The following PRICKLE1 variants were observed in gnomAD, a reference collection of about 807,000 sequenced individuals.
PRICKLE1 encodes prickle-like protein 1.
PRICKLE1 carries 14 observed loss-of-function variants against 70.2 expected under a neutral mutation model. That is an observed-to-expected ratio of 0.20 (90% CI 0.13 to 0.31). The LOEUF (loss-of-function observed/expected upper bound fraction) is 0.31. Among genes scored for constraint, PRICKLE1 ranks in the 10% least tolerant of loss-of-function variants. The pLI is 1.00. For missense variants in PRICKLE1, 821 were observed against 1,026.2 expected, an observed-to-expected ratio of 0.80 and a Z score of 2.73; for synonymous variants, 357 against 379.9, an observed-to-expected ratio of 0.94 and a Z score of 0.70.
intron 1 of PRICKLE1, among the ~76,000 whole-genome samples, chr12:42,486,572 T>C (rs1243176658): frequency 1.3e-5 from 2 of 152,214 alleles, no homozygotes. Flanking sequence ...GCATTTTGTT[T>C]GTCAAATGTC....
At chr12:42,528,303 G>C (rs1939850801) in intron 1 of PRICKLE1, among the ~76,000 whole-genome samples, 1 of 151,912 alleles carries the variant, frequency 6.6e-6, no homozygotes, top group Non-Finnish European at 1.5e-5. Flanking sequence ...CGAACTCCTG[G>C]GCTCAAGTGA....
chr12:42,466,830 AT>A (rs1938113084), intron 5 of PRICKLE1, among the ~76,000 whole-genome samples: 1 of 152,256 alleles, frequency 6.6e-6, no homozygotes. Flanking sequence ...AGTGAACAGC[AT>A]TTGTGTTGAT....
chr12:42,569,791 T>C (rs1940677959), intron 1 of PRICKLE1, among the ~76,000 whole-genome samples: 1 of 152,230 alleles, frequency 6.6e-6, no homozygotes, highest in East Asian at 1.9e-4. Context: ...TGGCAACATA[T>C]CACTTCACCA....
At chr12:42,569,243 T>C (rs1196200673) in intron 1 of PRICKLE1, among the ~76,000 whole-genome samples, 2 of 152,196 alleles carry the variant, frequency 1.3e-5, no homozygotes, top group Non-Finnish European at 2.9e-5. Flanking sequence ...AATTTAGCAA[T>C]GGACCTTTAA....
intron 1 of PRICKLE1, among the ~76,000 whole-genome samples, chr12:42,522,768 A>G (rs962943624): frequency 1.3e-5 from 2 of 152,172 alleles, no homozygotes; most frequent in African/African-American, 2.4e-5. Context: ...AATCTTTTTT[A>G]AAGCGGAAAA....
intron 1 of PRICKLE1, among the ~76,000 whole-genome samples, chr12:42,493,866 A>AG (rs1939148512): frequency 6.6e-6 from 1 of 151,968 alleles, no homozygotes; most frequent in Admixed American, 6.6e-5. Flanking sequence ...TAAAAAAAAA[A>AG]AAAAGAAAAG....
intron 1 of PRICKLE1, among the ~76,000 whole-genome samples, chr12:42,530,741 C>G (rs1300481670): frequency 8.2e-6 from 1 of 122,460 alleles, no homozygotes; most frequent in Non-Finnish European, 1.6e-5. Context: ...GGCTAGAGTG[C>G]AATGGCATGA....
chr12:42,500,410 C>T (rs372510868), intron 1 of PRICKLE1, among the ~76,000 whole-genome samples: 5 of 152,328 alleles, frequency 3.3e-5, no homozygotes, highest in East Asian at 3.9e-4. Context: ...GTACTAAGCA[C>T]TTAGTCAAAG....
At chr12:42,507,330 G>A (rs545708213) in intron 1 of PRICKLE1, among the ~76,000 whole-genome samples, 2 of 152,294 alleles carry the variant, frequency 1.3e-5, no homozygotes, top group East Asian at 3.9e-4. Flanking sequence ...AAGTTGTGTA[G>A]ACAAAGCAGA....
intron 1 of PRICKLE1, among the ~76,000 whole-genome samples, chr12:42,565,720 C>G (rs1940610410): frequency 6.6e-6 from 1 of 152,158 alleles, no homozygotes; most frequent in African/African-American, 2.4e-5. Flanking sequence ...CATCCAGTTT[C>G]CCTACCTTCT....
chr12:42,543,038 C>A (rs1038436605), intron 1 of PRICKLE1, among the ~76,000 whole-genome samples: 1 of 152,158 alleles, frequency 6.6e-6, no homozygotes, highest in Non-Finnish European at 1.5e-5. Flanking sequence ...AAGGACACTG[C>A]GACAGGCATC....
chr12:42,472,758 GTC>G (rs1566087750), intron 1 of PRICKLE1, among the ~76,000 whole-genome samples, 194 bp from the exon 2 acceptor site: 2 of 152,134 alleles, frequency 1.3e-5, no homozygotes, highest in Non-Finnish European at 2.9e-5. Context: ...TTTGGTAGTA[GTC>G]TCTTTGCCAG....
At chr12:42,508,691 G>A (rs1425323045) in intron 1 of PRICKLE1, among the ~76,000 whole-genome samples, 1 of 152,128 alleles carries the variant, frequency 6.6e-6, no homozygotes, top group Non-Finnish European at 1.5e-5. Flanking sequence ...AGACACAGGT[G>A]GGCAGACAGG....
Position 42,464,404 on chromosome 12 carries a change from T to G in PRICKLE1, c.1630A>C (p.Asn544His), listed in dbSNP as rs1394426027. 6 of 1,614,194 alleles carry G rather than the reference T, an allele frequency of 3.7e-6. No individual in the cohort carries two copies. The highest frequency in any genetic ancestry group is 5.1e-6 in the Non-Finnish European group (6 of 1,180,030). ...RDSMDSLALS[N>H]ITGASVDGEN... ...TCCCTAGATTACGTACCTGTGATAT[T>G]GGACAATGCCAAAGAATCCATCGAA... The change falls in exon 7 of 8, where the codon AAT becomes CAT. Residue 544 changes from asparagine to histidine, a missense_variant. Asn to His is a moderately conservative substitution (Grantham distance 68). Transcript: ENST00000345127. This position sits in a 1 kb window ranked among gnomAD's most constrained non-coding sequence, Gnocchi z 4.2.
intron 1 of PRICKLE1, among the ~76,000 whole-genome samples, chr12:42,538,521 T>C (rs886210072): frequency 6.6e-6 from 1 of 152,134 alleles, no homozygotes; most frequent in Non-Finnish European, 1.5e-5. Flanking sequence ...ACAATACTAA[T>C]AAACTCTGAA....
chr12:42,501,433 C>T (rs1203094924), intron 1 of PRICKLE1, among the ~76,000 whole-genome samples: 1 of 146,248 alleles, frequency 6.8e-6, no homozygotes, highest in African/African-American at 2.5e-5. Flanking sequence ...TCGCTTGAAC[C>T]CGGGAAGGGG....
chr12:42,510,873 G>A (rs1593146704), intron 1 of PRICKLE1, among the ~76,000 whole-genome samples: 2 of 152,302 alleles, frequency 1.3e-5, no homozygotes, highest in East Asian at 3.9e-4. Context: ...AAAATGCCAA[G>A]GCTTGCTTAT....
At chr12:42,506,283 GTC>G (rs1211229475) in intron 1 of PRICKLE1, among the ~76,000 whole-genome samples, 5 of 128,812 alleles carry the variant, frequency 3.9e-5, no homozygotes, top group African/African-American at 1.5e-4. Context: ...TTGAGATGGA[GTC>G]TCTCTCTGTT....
intron 1 of PRICKLE1, among the ~76,000 whole-genome samples, chr12:42,538,905 C>T (rs947902959): frequency 2.0e-5 from 3 of 152,130 alleles, no homozygotes; most frequent in African/African-American, 7.2e-5. Context: ...TTTATCTAAC[C>T]ATTTATTGCC....
Sources: allele counts gnomAD v4.1 joint callset (sites outside exome capture counted in the v4.1 genomes callset), GRCh38; gene constraint gnomAD v4.1.1; non-coding constraint Gnocchi (gnomAD v3.1); transcripts MANE v1.5; gene names NCBI Gene and HGNC (gene_info 2026-07-23, HGNC 2026-07-21).